The following CSMD3 variants were observed in gnomAD, a reference collection of about 807,000 sequenced individuals.
CSMD3 encodes CUB and Sushi multiple domains 3.
Under a neutral mutation model 435.2 loss-of-function variants are expected in CSMD3, and 177 were observed. That is an observed-to-expected ratio of 0.41 (90% CI 0.36 to 0.46). CSMD3 has a LOEUF of 0.46. CSMD3 is among the 20% of genes least tolerant of loss of function. The pLI, the probability that CSMD3 is intolerant of heterozygous loss-of-function variation, is 0.34. For synonymous variants in CSMD3, 1,656 were observed against 1,520.5 expected (o/e 1.09, Z -2.07); for missense variants, 4,265 against 4,504.6 (o/e 0.95, Z 1.52).
At chr8:112,458,494 G>T (rs1176232920) in intron 32 of CSMD3, among the ~76,000 whole-genome samples, 1 of 152,026 alleles carries the variant, frequency 6.6e-6, no homozygotes, top group Non-Finnish European at 1.5e-5. Context: ...CTTTTCATTA[G>T]TACATCACAC....
intron 17 of CSMD3, among the ~76,000 whole-genome samples, chr8:112,665,919 ATGT>A (rs2075511702): frequency 1.3e-5 from 2 of 152,120 alleles, no homozygotes; most frequent in African/African-American, 2.4e-5. Context: ...GTTGATTTGA[ATGT>A]GTTTACAGCA....
At chr8:112,952,613 A>ATTTAAAAT (rs2083863381) in intron 8 of CSMD3, among the ~76,000 whole-genome samples, 1 of 151,556 alleles carries the variant, frequency 6.6e-6, no homozygotes, top group Non-Finnish European at 1.5e-5. Context: ...AACAAATTAT[A>ATTTAAAAT]GTAAAATGAA....
chr8:112,724,089 G>GA (rs1329710383), intron 13 of CSMD3, among the ~76,000 whole-genome samples: 3 of 152,068 alleles, frequency 2.0e-5, no homozygotes, highest in East Asian at 1.9e-4. Flanking sequence ...TGCTATGGAT[G>GA]AAAAAAATGA....
intron 1 of CSMD3, among the ~76,000 whole-genome samples, chr8:113,385,787 G>A (rs911254168): frequency 2.6e-5 from 4 of 152,052 alleles, no homozygotes; most frequent in African/African-American, 7.2e-5. Context: ...GTTTATGGCA[G>A]GGATGGAGAG....
chr8:112,551,205 G>A (rs540670923), intron 26 of CSMD3, among the ~76,000 whole-genome samples: 31 of 152,090 alleles, frequency 2.0e-4, no homozygotes, highest in South Asian at 8.3e-4. Context: ...TGCAAAATGC[G>A]TTACATATAT....
intron 27 of CSMD3, among the ~76,000 whole-genome samples, chr8:112,533,691 C>G (rs1825764295): frequency 6.6e-6 from 1 of 151,978 alleles, no homozygotes; most frequent in East Asian, 1.9e-4. Context: ...CAACACTCCA[C>G]AATCAGCAAT....
intron 16 of CSMD3, among the ~76,000 whole-genome samples, chr8:112,667,779 C>T (rs2075561060): frequency 6.6e-6 from 1 of 152,064 alleles, no homozygotes; most frequent in Admixed American, 6.6e-5. Flanking sequence ...TCTAAATGTA[C>T]ACTAGATCAA....
At chr8:113,284,404 A>G (rs2093631956) in intron 2 of CSMD3, among the ~76,000 whole-genome samples, 1 of 152,174 alleles carries the variant, frequency 6.6e-6, no homozygotes, top group Non-Finnish European at 1.5e-5. Context: ...TGTTCTTGAA[A>G]CATCATAAGA....
rs374108523 is a variant in CSMD3, at chr8:112,682,641, A to G, written c.2483-5T>C. ...GGCATTCATTATGTCCAAATGCTTT[A>G]GAATAATATGCAAAGAAAAATACAC... is the stretch of plus-strand genomic sequence containing the variant. On this transcript the variant is annotated splice_region_variant and splice_polypyrimidine_tract_variant and intron_variant, in intron 15 of 70. Transcript: ENST00000297405. The G allele has an allele frequency of 1.1e-5, 17 of 1,594,894 alleles. No homozygotes were observed. The East Asian group carries it at 1.1e-4, about 10-fold the overall frequency.
At chr8:113,278,206 ACTT>A (rs2093586275) in intron 3 of CSMD3, among the ~76,000 whole-genome samples, 1 of 151,700 alleles carries the variant, frequency 6.6e-6, no homozygotes, top group African/African-American at 2.4e-5. Flanking sequence ...CTCTTTCTGA[ACTT>A]CTTCTCTTGA....
chr8:112,596,419 A>T (rs2131391986), intron 22 of CSMD3, among the ~76,000 whole-genome samples: 1 of 152,196 alleles, frequency 6.6e-6, no homozygotes, highest in East Asian at 1.9e-4. Flanking sequence ...TAATAATGGG[A>T]GACTTTAACA....
intron 2 of CSMD3, among the ~76,000 whole-genome samples, chr8:113,295,118 T>TGGTTAC (rs2093710984): frequency 6.6e-6 from 1 of 152,150 alleles, no homozygotes; most frequent in Non-Finnish European, 1.5e-5. Flanking sequence ...TAAGCCATAA[T>TGGTTAC]CACATCATGG....
chr8:112,237,398 AT>A (rs779316371), intron 66 of CSMD3, 50 bp from the exon 67 acceptor site: 1 of 1,308,548 alleles, frequency 7.6e-7, no homozygotes, highest in Admixed American at 1.7e-5. Flanking sequence ...TGCCATATAA[AT>A]ATAAGCATTA....
chr8:112,578,759 T>C (rs1476228644), intron 23 of CSMD3, among the ~76,000 whole-genome samples: 2 of 152,026 alleles, frequency 1.3e-5, no homozygotes, highest in East Asian at 3.9e-4. Context: ...CTGTCACAAC[T>C]ACTCAGTCCT....
At chr8:112,736,351 A>C (rs1313773591) in intron 13 of CSMD3, among the ~76,000 whole-genome samples, 1 of 151,998 alleles carries the variant, frequency 6.6e-6, no homozygotes, top group African/African-American at 2.4e-5. Flanking sequence ...TTCCCATGTT[A>C]TCTAGGTTTA....
At position 112,815,814 on chromosome 8, in the gene CSMD3, A is replaced by C. The variant is rs183749495; in HGVS notation, c.1859+13872T>G. On this transcript the variant is annotated intron_variant, in intron 12 of 70. Coordinates refer to ENST00000297405, the MANE Select transcript of CSMD3 (RefSeq NM_198123.2). ...AAATCACAATGAAAAAATAATGATG[A>C]ACCACACAGAATAAATTATTCCATA... Among the ~76,000 whole-genome samples the C allele has an allele frequency of 5.4e-4, 82 of 152,334 alleles. No homozygotes were observed. The East Asian group carries it at 0.014, about 27-fold the overall frequency.
intron 2 of CSMD3, among the ~76,000 whole-genome samples, chr8:113,299,822 C>T (rs536242678): frequency 6.6e-6 from 1 of 151,954 alleles, no homozygotes; most frequent in Non-Finnish European, 1.5e-5. Context: ...TGGTGAAACC[C>T]CTCTCTACTA....
At chr8:112,526,165 C>G (rs1216269712) in intron 27 of CSMD3, among the ~76,000 whole-genome samples, 1 of 151,490 alleles carries the variant, frequency 6.6e-6, no homozygotes, top group Non-Finnish European at 1.5e-5. Flanking sequence ...TAGCACTGTA[C>G]TAACTGAATA....
intron 3 of CSMD3, among the ~76,000 whole-genome samples, chr8:113,237,546 C>T (rs1460773618): frequency 6.6e-6 from 1 of 152,118 alleles, no homozygotes; most frequent in Non-Finnish European, 1.5e-5. Flanking sequence ...ATGTCTAGTG[C>T]AGTAATGGAT....
Sources: allele counts gnomAD v4.1 joint callset (sites outside exome capture counted in the v4.1 genomes callset), GRCh38; gene constraint gnomAD v4.1.1; transcripts MANE v1.5; gene names NCBI Gene and HGNC (gene_info 2026-07-23, HGNC 2026-07-21).